The following ULK4 variants were observed in gnomAD, a reference collection of about 807,000 sequenced individuals.
ULK4 encodes the protein inactive serine/threonine-protein kinase ULK4.
In ULK4, 133 loss-of-function variants were observed where a neutral mutation model predicts 160.6. The ratio of observed to expected loss-of-function variants is 0.83; its 90% CI spans 0.72 to 0.96. The LOEUF (loss-of-function observed/expected upper bound fraction) is 0.96. Ranked by LOEUF, ULK4 falls within the 40% of genes least tolerant of loss-of-function variation. The pLI is 0.00. For missense variants in ULK4, 1,580 were observed against 1,499.5 expected, an observed-to-expected ratio of 1.05 and a Z score of -0.89; for synonymous variants, 534 against 539.8, an observed-to-expected ratio of 0.99 and a Z score of 0.15.
chr3:41,451,750 T>C lies in ULK4; in HGVS notation c.3492+3747A>G, dbSNP rs2083430453. ...ATTGGTAGTACAGACTAATAAATTG[T>C]CATATTCCTAATATAAGGTTGAACC... On this transcript the variant is annotated intron_variant, in intron 34 of 36. Transcript: ENST00000301831. Among the ~76,000 whole-genome samples, 4 of 152,280 alleles carry C rather than the reference T, an allele frequency of 2.6e-5. No individual in the cohort carries two copies. In the South Asian group the frequency reaches 8.3e-4, roughly 32 times the overall value.
At chr3:41,540,546 T>C (rs1392380928) in intron 32 of ULK4, among the ~76,000 whole-genome samples, 1 of 152,246 alleles carries the variant, frequency 6.6e-6, no homozygotes, top group Non-Finnish European at 1.5e-5. Context: ...CCTTTGGGTA[T>C]ATACCCAGTA....
At chr3:41,287,228 C>T (rs2079477834) in intron 35 of ULK4, among the ~76,000 whole-genome samples, 1 of 152,114 alleles carries the variant, frequency 6.6e-6, no homozygotes, top group Non-Finnish European at 1.5e-5. Flanking sequence ...AAGAGAGTTA[C>T]TGAGCAGGCA....
intron 22 of ULK4, among the ~76,000 whole-genome samples, chr3:41,719,655 T>C (rs1384742351): frequency 6.6e-6 from 1 of 152,152 alleles, no homozygotes; most frequent in African/African-American, 2.4e-5. Flanking sequence ...TCCAAACCAA[T>C]AGCAAGCTAC....
intron 35 of ULK4, among the ~76,000 whole-genome samples, chr3:41,362,403 C>T (rs2081164527): frequency 6.6e-6 from 1 of 152,060 alleles, no homozygotes; most frequent in African/African-American, 2.4e-5. Flanking sequence ...TAAGAACATT[C>T]GAATCAGCAA....
chr3:41,619,214 AACG>A (rs973196812), intron 30 of ULK4, among the ~76,000 whole-genome samples: 5 of 151,690 alleles, frequency 3.3e-5, no homozygotes, highest in African/African-American at 1.2e-4. Flanking sequence ...ATATTAGACC[AACG>A]AGACAAAAAA....
At chr3:41,827,557 G>T (rs1233868731) in intron 18 of ULK4, among the ~76,000 whole-genome samples, 1 of 151,960 alleles carries the variant, frequency 6.6e-6, no homozygotes, top group East Asian at 1.9e-4. Flanking sequence ...AGAATAAATG[G>T]ATAAATTCCT....
chr3:41,697,176 A>G (rs2036530975), intron 27 of ULK4, among the ~76,000 whole-genome samples: 1 of 152,218 alleles, frequency 6.6e-6, no homozygotes, highest in African/African-American at 2.4e-5. Flanking sequence ...AAAGATAGAG[A>G]TGCTTATTCA....
intron 35 of ULK4, among the ~76,000 whole-genome samples, chr3:41,385,633 T>C (rs2081789510): frequency 6.6e-6 from 1 of 152,216 alleles, no homozygotes; most frequent in Non-Finnish European, 1.5e-5. Context: ...CAATATCCTA[T>C]GAACAATACA....
intron 21 of ULK4, among the ~76,000 whole-genome samples, chr3:41,780,282 T>C (rs1040032989): frequency 1.3e-5 from 2 of 151,998 alleles, no homozygotes; most frequent in Non-Finnish European, 2.9e-5. Flanking sequence ...TACTCCAGCC[T>C]CGGAGAAAGA....
At chr3:41,527,443 C>G (rs1371743343) in intron 32 of ULK4, among the ~76,000 whole-genome samples, 3 of 152,190 alleles carry the variant, frequency 2.0e-5, no homozygotes. Context: ...AACTGTAAGA[C>G]AATGGTGAGT....
At chr3:41,591,741 G>A (rs1193296372) in intron 31 of ULK4, among the ~76,000 whole-genome samples, 3 of 152,130 alleles carry the variant, frequency 2.0e-5, no homozygotes, top group Admixed American at 6.5e-5. Flanking sequence ...TAAGTAAAAC[G>A]TGTTATGTGG....
chr3:41,782,188 G>A (rs1362328133), intron 21 of ULK4, among the ~76,000 whole-genome samples: 1 of 147,714 alleles, frequency 6.8e-6, no homozygotes, highest in Non-Finnish European at 1.5e-5. Flanking sequence ...GTTCAAGTAT[G>A]TCTTTGCAAG....
At chr3:41,477,008 G>C (rs920220360) in intron 32 of ULK4, among the ~76,000 whole-genome samples, 3 of 152,124 alleles carry the variant, frequency 2.0e-5, no homozygotes, top group African/African-American at 7.2e-5. Context: ...AGATGCTGTT[G>C]GGATGCATCT....
At chr3:41,752,209 T>C (rs1398723252) in intron 22 of ULK4, among the ~76,000 whole-genome samples, 2 of 152,230 alleles carry the variant, frequency 1.3e-5, no homozygotes, top group East Asian at 3.8e-4. Flanking sequence ...TGTCCCTTTT[T>C]TGTTTTTCTC....
chr3:41,359,333 G>A (rs576307787), intron 35 of ULK4, among the ~76,000 whole-genome samples: 31 of 152,348 alleles, frequency 2.0e-4, no homozygotes, highest in Admixed American at 6.5e-4. Flanking sequence ...GATAGAAAAA[G>A]CTAGAAATTG....
intron 11 of ULK4, among the ~76,000 whole-genome samples, chr3:41,908,514 C>T (rs1033822451): frequency 3.9e-5 from 6 of 151,958 alleles, no homozygotes; most frequent in South Asian, 2.1e-4. Context: ...GGCACGATCT[C>T]GGCTCACTGC....
rs75522614 is a variant in ULK4, at chr3:41,801,249, G to A, written c.1849-956C>T. ...ACAGATTAGACACTACAGACTAAAT[G>A]ATTAGTGAACATGAAGACATAGCTA... On this transcript the variant is annotated intron_variant, in intron 19 of 36. Transcript: ENST00000301831. 4.9e-4 allele frequency among the ~76,000 whole-genome samples: 74 copies of A among 152,188 alleles called. 2 individuals are homozygous for A. In the East Asian group the frequency reaches 0.013, roughly 27 times the overall value.
chr3:41,658,729 A>ACACACACACACACACACACACATTGT (rs1559466899), intron 30 of ULK4, among the ~76,000 whole-genome samples: 1 of 112,418 alleles, frequency 8.9e-6, no homozygotes, highest in African/African-American at 4.4e-5. Flanking sequence ...GAAAAACAGT[A>ACACACACACACACACACACACATTGT]CACACACACA....
chr3:41,759,468 T>C (rs770592325), intron 21 of ULK4, among the ~76,000 whole-genome samples: 3 of 152,168 alleles, frequency 2.0e-5, no homozygotes, highest in Non-Finnish European at 4.4e-5. Context: ...AATTCTAAAA[T>C]AGTGATTAAA....
Sources: allele counts gnomAD v4.1 joint callset (sites outside exome capture counted in the v4.1 genomes callset), GRCh38; gene constraint gnomAD v4.1.1; transcripts MANE v1.5; gene names NCBI Gene and HGNC (gene_info 2026-07-23, HGNC 2026-07-21).